Variants in FLCN observed in about 807,000 individuals in gnomAD.
FLCN encodes the protein folliculin.
Under a neutral mutation model 62.5 loss-of-function variants are expected in FLCN, and 22 were observed. That is an observed-to-expected ratio of 0.35 (90% confidence interval 0.25 to 0.50). The LOEUF (loss-of-function observed/expected upper bound fraction) is 0.50, where lower values mean the gene tolerates loss of function less well. FLCN is among the 20% of genes least tolerant of loss of function. The probability of loss-of-function intolerance (pLI) is 0.97; values close to 1 mark genes in which losing one functional copy is unlikely to be tolerated. For synonymous variants in FLCN, 319 were observed against 310.0 expected (o/e 1.03, Z -0.30); for missense variants, 657 against 778.0 (o/e 0.84, Z 1.85).
In FLCN at chr17:17,224,121, G is replaced by A; in HGVS notation, c.419C>T (p.Pro140Leu). ...SCEVCPGREG[P>L]IFFGDEQHGF... Reference sequence around the variant, plus strand: ...GTGCTGCTCATCTCCGAAGAAGATGGGGCCTTCACGGCCAGGGCAGACCTG... The same window carrying A: ...GTGCTGCTCATCTCCGAAGAAGATGAGGCCTTCACGGCCAGGGCAGACCTG... Residue 140 changes from proline (P) to leucine (L), a missense_variant, in exon 6 of 14, where the codon CCC becomes CTC. Physicochemically the swap from Pro to Leu is moderately conservative, Grantham distance 98. Transcript: ENST00000285071. 1 of 1,598,006 alleles carries A rather than the reference G, an allele frequency of 6.3e-7. No individual in the cohort carries two copies. The highest frequency in any genetic ancestry group is 8.5e-7 in the Non-Finnish European group (1 of 1,172,096).
Position 17,216,334 on chromosome 17 carries a change from G to T in FLCN, c.1300+46C>A. The T allele has an allele frequency of 6.2e-7, 1 of 1,609,860 alleles. No homozygotes were observed. Among genetic ancestry groups the T allele is most frequent in the South Asian group, 1.1e-5 (1 of 90,800 alleles). ...TTCCACTTTGGGCCTGAGGCGTGGGGAACCTCAGCGCAGGGCATGGCCCCA... is the reference window on the plus strand; with the variant it reads ...TTCCACTTTGGGCCTGAGGCGTGGGTAACCTCAGCGCAGGGCATGGCCCCA... On this transcript the variant is annotated intron_variant, in intron 11 of 13. Coordinates refer to ENST00000285071, the MANE Select transcript of FLCN (RefSeq NM_144997.7). The surrounding 1 kb of genome is among the most constrained non-coding windows in gnomAD (Gnocchi z 4.0).
chr17:17,225,882 AAAG>A, intron 5 of FLCN: 1 of 485,772 alleles, frequency 2.1e-6, no homozygotes, highest in Middle Eastern at 5.8e-4. Flanking sequence ...CCCTGACACA[AAAG>A]AAGGAAAAAA....
intron 4 of FLCN, among the ~76,000 whole-genome samples, chr17:17,227,636 G>A (rs755240701): frequency 6.6e-6 from 1 of 152,090 alleles, no homozygotes; most frequent in Non-Finnish European, 1.5e-5. Flanking sequence ...GCTTGAACCC[G>A]GGAGGCAGAG....
Position 17,213,433 on chromosome 17 carries a change from C to T in FLCN, c.*222G>A. 2 of 631,022 alleles carry T rather than the reference C, an allele frequency of 3.2e-6. No homozygotes were observed. The highest frequency in any genetic ancestry group is 2.8e-6 in the Non-Finnish European group (1 of 354,420). The allele number at this position is 631,022 out of a possible 1,614,324, so 39.1% of individuals were successfully genotyped here. A position where few individuals can be genotyped will look rare whatever the true frequency, so the allele number is the denominator to read the frequency against. On this transcript the variant is annotated 3_prime_UTR_variant, in exon 14 of 14. Transcript: ENST00000285071. ...ACAGAGAGAGCCCATCATCCCTCCG[C>T]CTTTCATTGCCATCTTCAGCGATTC...
At chr17:17,230,725 C>CAAAA (rs758208758) in intron 3 of FLCN, among the ~76,000 whole-genome samples, 1 of 66,096 alleles carries the variant, frequency 1.5e-5, no homozygotes, top group African/African-American at 5.6e-5. Flanking sequence ...GACTCCATCT[C>CAAAA]AAAAAAAAAA....
At position 17,216,608 on chromosome 17, in the gene FLCN, A is replaced by G. The variant is rs960246235; in HGVS notation, c.1177-105T>C. ...CCACACGCCTCCTGCAGCCCGGTCCAAGCCCTCCCTCCTGCCAGAGGAGTC... is the reference window on the plus strand; with the variant it reads ...CCACACGCCTCCTGCAGCCCGGTCCGAGCCCTCCCTCCTGCCAGAGGAGTC... On this transcript the variant is annotated intron_variant, in intron 10 of 13. Transcript: ENST00000285071. The surrounding 1 kb of genome is among the most constrained non-coding windows in gnomAD (Gnocchi z 4.0). 6.5e-7 allele frequency: 1 copy of G among 1,544,416 alleles called. No homozygotes were observed. The highest frequency in any genetic ancestry group is 1.4e-5 in the African/African-American group (1 of 73,396).
chr17:17,237,152 G>A lies in FLCN; in HGVS notation c.-468C>T, dbSNP rs207476320. ...ACCAGGAGCGACCACACTCACTCGC[G>A]GTCCCGCAGCCCCGCCGACACCCAG... On this transcript the variant is annotated 5_prime_UTR_variant, in exon 1 of 14. Transcript: ENST00000285071. 1 of 152,208 alleles carries A rather than the reference G, an allele frequency of 6.6e-6. No individual in the cohort carries two copies. The highest frequency in any genetic ancestry group is 2.4e-5 in the African/African-American group (1 of 41,428). The allele number at this position is 152,208 out of a possible 1,614,324, so 9.4% of individuals were successfully genotyped here.
chr17:17,219,254 A>C, intron 8 of FLCN, 45 bp from the exon 9 acceptor site: 852 of 1,591,508 alleles, frequency 5.4e-4, no homozygotes, highest in Non-Finnish European at 6.8e-4. Context: ...AAACAGTCTC[A>C]TCCTGTGACT....
intron 8 of FLCN, chr17:17,220,020 C>T (rs1188237863): frequency 6.6e-6 from 1 of 152,126 alleles, no homozygotes; most frequent in African/African-American, 2.4e-5. Context: ...CTCCCTCCCT[C>T]CTTCTGGAGC....
At chr17:17,221,860 C>A (rs909878507) in intron 7 of FLCN, among the ~76,000 whole-genome samples, 2 of 152,152 alleles carry the variant, frequency 1.3e-5, no homozygotes, top group Admixed American at 6.5e-5. Context: ...GGGAGCTGTT[C>A]TAAACCAGAG....
Position 17,213,232 on chromosome 17 carries a change from A to C in FLCN, c.*423T>G. On this transcript the variant is annotated 3_prime_UTR_variant, in exon 14 of 14. Coordinates refer to ENST00000285071, the MANE Select transcript of FLCN (RefSeq NM_144997.7). ...AAAGGTACCCTCAAACATAAGGCCC[A>C]GAAACTCTTGCTGAATTTCAAAGTA... 2.5e-6 allele frequency: 1 copy of C among 394,490 alleles called. No individual in the cohort carries two copies. The highest frequency in any genetic ancestry group is 4.7e-6 in the Non-Finnish European group (1 of 210,624). The allele number at this position is 394,490 out of a possible 1,614,324, so 24.4% of individuals were successfully genotyped here. A position where few individuals can be genotyped will look rare whatever the true frequency, so the allele number is the denominator to read the frequency against.
rs533953146 is a variant in FLCN at position 17,224,712 on chromosome 17, A to AT, written c.397-570dup. On this transcript the variant is annotated intron_variant, in intron 5 of 13. Coordinates refer to ENST00000285071, the MANE Select transcript of FLCN (RefSeq NM_144997.7). ...CACCACGCCTGGCTAATTTTTTTGTATTTTTTTTAGAGAGGGGGTTTCACC... is the reference window on the plus strand; with the variant it reads ...CACCACGCCTGGCTAATTTTTTTGTATTTTTTTTTAGAGAGGGGGTTTCACC... 2.3e-3 allele frequency: 384 copies of AT among 164,426 alleles called. 1 individual carries two copies. The highest frequency in any genetic ancestry group is 0.015 in the Middle Eastern group (5 of 336). 10.2% of individuals were successfully genotyped at this position (164,426 alleles called of 1,614,324 possible). A position where few individuals can be genotyped will look rare whatever the true frequency, so the allele number is the denominator to read the frequency against.
intron 8 of FLCN, chr17:17,219,565 CTTTTTTTTT>C (rs33981693): frequency 8.1e-6 from 1 of 124,182 alleles, no homozygotes; most frequent in East Asian, 2.4e-4. Context: ...TTTTTTTCCA[CTTTTTTTTT>C]TTTTTTTTTT....
chr17:17,217,124 A>G lies in FLCN; in HGVS notation c.1121T>C (p.Val374Ala), dbSNP rs2046950351. The G allele has an allele frequency of 6.2e-7, 1 of 1,614,096 alleles. No individual in the cohort carries two copies. The highest frequency in any genetic ancestry group is 2.2e-5 in the East Asian group (1 of 44,880). The change falls in exon 10 of 14, where the codon GTG becomes GCG. Residue 374 changes from valine (V) to alanine (A), a missense_variant. By Grantham distance (64) the Val-to-Ala change is moderately conservative (BLOSUM62 0). Coordinates refer to ENST00000285071, the MANE Select transcript of FLCN (RefSeq NM_144997.7). The part of the protein sequence containing the change: ...LAWHVLMGNQ[V>A]IWKSRDVDLV... ...GTCCACGTCTCTGCTTTTCCAGATCACCTGGTTCCCCATGAGAACGTGCCA... is the reference window on the plus strand; with the variant it reads ...GTCCACGTCTCTGCTTTTCCAGATCGCCTGGTTCCCCATGAGAACGTGCCA...
At position 17,227,918 on chromosome 17, in the gene FLCN, G is replaced by A. The variant is rs1432861054; in HGVS notation, c.220C>T (p.Pro74Ser). 1.9e-6 allele frequency: 3 copies of A among 1,614,020 alleles called. No homozygotes were observed. In the African/African-American group the frequency reaches 4.0e-5, roughly 22 times the overall value. Residue 74 changes from proline to serine, a missense_variant, in exon 4 of 14, where the codon CCG becomes TCG. Coordinates refer to ENST00000285071, the MANE Select transcript of FLCN (RefSeq NM_144997.7). ...AEGASVESSS[P>S]GPKKSDMCEG... ...CACATGTCCGACTTTTTGGGCCCCG[G>A]GCTGCTGGACTCGACGCTGGCCCCC... is the stretch of plus-strand genomic sequence containing the variant.
At chr17:17,224,291 G>A (rs1378641476) in intron 5 of FLCN, 148 bp from the exon 6 acceptor site, 9 of 731,090 alleles carry the variant, frequency 1.2e-5, no homozygotes, top group Admixed American at 4.2e-5. Context: ...CATGAGAGCC[G>A]AAGACTGTAC....
intron 1 of FLCN, 48 bp downstream of exon 1, chr17:17,236,864 C>T (rs2047595110): frequency 6.6e-6 from 1 of 152,344 alleles, no homozygotes; most frequent in East Asian, 1.9e-4. Context: ...CTGGGACCAA[C>T]GAAAACTCGG....
At position 17,226,264 on chromosome 17, in the gene FLCN, G is replaced by A. The variant is rs777336970; in HGVS notation, c.308C>T (p.Ser103Phe). The A allele has an allele frequency of 6.2e-7, 1 of 1,614,074 alleles. No homozygotes were observed. Among genetic ancestry groups the A allele is most frequent in the Non-Finnish European group, 8.5e-7 (1 of 1,180,038 alleles). Residue 103 changes from serine (S) to phenylalanine (F), a missense_variant, in exon 5 of 14, where the codon TCC (serine) becomes TTC (phenylalanine). Transcript: ENST00000285071. ...PGYISHDKETSIKYVSHQHPS... is the reference protein window; with the variant it reads ...PGYISHDKETFIKYVSHQHPS... ...GTGCTGGTGGCTGACGTATTTAATG[G>A]AGGTCTCTTTATCATGGCTGATATA...
chr17:17,226,053 C>A (rs779852491), intron 5 of FLCN, 123 bp downstream of exon 5: 32 of 1,376,416 alleles, frequency 2.3e-5, no homozygotes, highest in Non-Finnish European at 3.2e-5. Flanking sequence ...TGCTGATCTG[C>A]GGGTCCGCCC....
Sources: gnomAD v4.1 joint callset for allele counts (sites outside exome capture counted in the v4.1 genomes callset) on GRCh38, gnomAD v4.1.1 for gene constraint, Gnocchi (gnomAD v3.1) non-coding constraint, MANE v1.5 for transcripts, NCBI Gene and HGNC (gene_info 2026-07-23, HGNC 2026-07-21) for gene names.